Variants in MEI1 observed in about 807,000 individuals in gnomAD.
MEI1 encodes the protein meiotic double-stranded break formation protein 1.
A neutral mutation model predicts 146.2 loss-of-function variants in MEI1; 103 were observed. The ratio of observed to expected loss-of-function variants is 0.70; its 90% CI spans 0.60 to 0.83. MEI1 has a LOEUF of 0.83. MEI1 is among the 40% of genes least tolerant of loss of function. MEI1 has a pLI of 0.00. For missense variants in MEI1, 1,529 were observed against 1,533.0 expected (o/e 1.00, Z 0.04); for synonymous variants, 652 against 628.2 (o/e 1.04, Z -0.57).
chr22:41,748,191 A>G lies in MEI1; in HGVS notation c.1765A>G (p.Met589Val). ...LHNLFVIVPH[M>V]KEKFSKKLAS... ...TAACCTCTTTGTCATCGTTCCCCAC[A>G]TGAAGGAGAAGTTTTCCAAGAAGCT... The change falls in exon 15 of 31, where the codon ATG (methionine) becomes GTG (valine). Residue 589 changes from methionine (M) to valine (V), a missense_variant. By Grantham distance (21) the Met-to-Val change is conservative (BLOSUM62 1). Around this residue, in one of 3 missense-constraint regions of MEI1, gnomAD observed 1,212 missense variants for 1,178.9 expected, o/e 1.03. Transcript: ENST00000401548. 3 of 1,613,816 alleles carry G rather than the reference A, an allele frequency of 1.9e-6. No homozygotes were observed. Among genetic ancestry groups the G allele is most frequent in the South Asian group, 1.1e-5 (1 of 91,074 alleles).
intron 3 of MEI1, chr22:41,709,503 G>A (rs925974570): frequency 3.4e-5 from 21 of 610,420 alleles, no homozygotes; most frequent in African/African-American, 7.3e-5. Context: ...CAGCAGCGAC[G>A]GCAGCGGGAT....
intron 9 of MEI1, among the ~76,000 whole-genome samples, chr22:41,731,334 G>A (rs1601798662): frequency 6.6e-6 from 1 of 151,366 alleles, no homozygotes; most frequent in East Asian, 1.9e-4. Context: ...TTACAGGCAT[G>A]AGCCACCACG....
intron 22 of MEI1, among the ~76,000 whole-genome samples, chr22:41,780,581 C>T (rs6002478): frequency 0.31 from 41,315 of 134,002 alleles, 7,069 homozygotes; most frequent in Admixed American, 0.46. Context: ...TTTTTCTTTT[C>T]TTTTTTTTTT....
chr22:41,758,319 C>T (rs1452796662), intron 17 of MEI1, 46 bp from the exon 18 acceptor site: 5 of 1,576,620 alleles, frequency 3.2e-6, no homozygotes, highest in Admixed American at 3.4e-5. Flanking sequence ...ATTACCTGTT[C>T]TTCTATGTTC....
intron 18 of MEI1, among the ~76,000 whole-genome samples, chr22:41,762,640 G>C (rs1390311251): frequency 6.7e-6 from 1 of 148,890 alleles, no homozygotes; most frequent in Non-Finnish European, 1.5e-5. Context: ...TCCCACCACA[G>C]CCTCCCAGAG....
Position 41,781,339 on chromosome 22 carries a change from C to T in MEI1, c.2871C>T (p.Ser957=), listed in dbSNP as rs1181016847. 1.9e-6 allele frequency: 3 copies of T among 1,613,656 alleles called. No homozygotes were observed. Among genetic ancestry groups the T allele is most frequent in the Non-Finnish European group, 2.5e-6 (3 of 1,179,796 alleles). ...CTGACGTGGACATCCTGCAGCCCTC[C>T]TTCAACTTCCTGTATTGGAGCCTTC... The part of the protein sequence containing the change: ...SPTDVDILQP[S]FNFLYWSLHQ... Residue 957 remains serine (S), a synonymous_variant, in exon 23 of 31, where the codon TCC becomes TCT. Transcript: ENST00000401548.
At chr22:41,734,109 CAG>C (rs1232986056) in intron 11 of MEI1, among the ~76,000 whole-genome samples, 1 of 147,588 alleles carries the variant, frequency 6.8e-6, no homozygotes, top group African/African-American at 2.7e-5. Flanking sequence ...GCCTGGGTAA[CAG>C]AGTGAAATTC....
chr22:41,733,257 C>T (rs1285733315), intron 11 of MEI1, among the ~76,000 whole-genome samples: 16 of 151,800 alleles, frequency 1.1e-4, no homozygotes, highest in Non-Finnish European at 2.9e-5. Context: ...TCAAGACCAG[C>T]CTGGGCAACA....
chr22:41,763,083 T>C (rs547160145), intron 18 of MEI1, 91 bp from the exon 19 acceptor site: 20 of 1,439,000 alleles, frequency 1.4e-5, no homozygotes, highest in Non-Finnish European at 1.8e-5. Context: ...GGCAGGACAG[T>C]GGGCTGAGGA....
intron 3 of MEI1, chr22:41,709,469 C>G (rs776150325): frequency 1.5e-6 from 1 of 656,412 alleles, no homozygotes; most frequent in Non-Finnish European, 2.9e-6. Flanking sequence ...GCATCACCTT[C>G]AGCCTTTGTC....
intron 17 of MEI1, among the ~76,000 whole-genome samples, 175 bp from the exon 18 acceptor site, chr22:41,758,190 C>T (rs967666126): frequency 2.6e-5 from 4 of 152,020 alleles, no homozygotes; most frequent in East Asian, 1.9e-4. Context: ...TAGTCTTTCC[C>T]GGTAGGTTGA....
chr22:41,776,088 T>C lies in MEI1; in HGVS notation c.2545-14T>C. The C allele has an allele frequency of 6.2e-7, 1 of 1,612,564 alleles. No individual in the cohort carries two copies. Among genetic ancestry groups the C allele is most frequent in the Non-Finnish European group, 8.5e-7 (1 of 1,178,704 alleles). ...AGTACCCTCTGATCTCTGGCTTTCT[T>C]CTCTCCTGCTCAGGACCTCATCTAT... On this transcript the variant is annotated splice_polypyrimidine_tract_variant and intron_variant, in intron 20 of 30. Coordinates refer to ENST00000401548, the MANE Select transcript of MEI1 (RefSeq NM_152513.4).
At chr22:41,752,715 T>C in intron 16 of MEI1, 64 bp downstream of exon 16, 1 of 1,378,796 alleles carries the variant, frequency 7.3e-7, no homozygotes, top group South Asian at 1.2e-5. Flanking sequence ...ATGGGACAAG[T>C]GGGAATTGTT....
chr22:41,726,395 C>T (rs776234412), intron 7 of MEI1, among the ~76,000 whole-genome samples: 3 of 152,134 alleles, frequency 2.0e-5, no homozygotes, highest in African/African-American at 7.2e-5. Context: ...AAAGCAGTAA[C>T]TTAAAAGCAG....
At chr22:41,725,441 A>T (rs2071245769) in intron 7 of MEI1, among the ~76,000 whole-genome samples, 1 of 152,022 alleles carries the variant, frequency 6.6e-6, no homozygotes, top group African/African-American at 2.4e-5. Context: ...CTTCCCCTTC[A>T]CATTTGGGCT....
intron 2 of MEI1, among the ~76,000 whole-genome samples, chr22:41,705,010 G>A (rs938146848): frequency 6.6e-6 from 1 of 151,830 alleles, no homozygotes. Context: ...CACCGCGCCC[G>A]GCCAATTGTT....
At chr22:41,731,903 G>C (rs984925680) in intron 9 of MEI1, among the ~76,000 whole-genome samples, 3 of 152,146 alleles carry the variant, frequency 2.0e-5, no homozygotes. Flanking sequence ...AATGGATCAG[G>C]GAAGGCTTTT....
At chr22:41,760,625 G>A (rs1300907513) in intron 18 of MEI1, among the ~76,000 whole-genome samples, 1 of 152,204 alleles carries the variant, frequency 6.6e-6, no homozygotes, top group Non-Finnish European at 1.5e-5. Context: ...TCAGCTGGGA[G>A]CATTGGCAAG....
intron 13 of MEI1, 89 bp downstream of exon 13, chr22:41,745,153 T>A: frequency 2.2e-6 from 2 of 920,746 alleles, no homozygotes; most frequent in Admixed American, 3.2e-5. Context: ...GAGGCAACAC[T>A]TGATTTCTGA....
Sources: allele counts gnomAD v4.1 joint callset (sites outside exome capture counted in the v4.1 genomes callset), GRCh38; gene constraint gnomAD v4.1.1; regional missense constraint gnomAD v4.1.1; transcripts MANE v1.5; gene names NCBI Gene and HGNC (gene_info 2026-07-23, HGNC 2026-07-21).